STON2: variants seen among roughly 807,000 people sequenced by gnomAD.
The protein encoded by STON2 is stonin 2, also known as stonin-2.
In STON2, 29 loss-of-function variants were observed where a neutral mutation model predicts 65.7. The observed-to-expected ratio is 0.44, with a 90% CI of 0.33 to 0.60. The LOEUF is 0.60. Ranked by LOEUF, STON2 falls within the 20% of genes least tolerant of loss-of-function variation. STON2 has a pLI of 0.03. For missense variants in STON2, 1,054 were observed against 1,118.1 expected (o/e 0.94, Z 0.82); for synonymous variants, 404 against 414.2 (o/e 0.98, Z 0.30).
chr14:81,284,724 T>A (rs1895266238), intron 5 of STON2, among the ~76,000 whole-genome samples: 1 of 152,196 alleles, frequency 6.6e-6, no homozygotes, highest in South Asian at 2.1e-4. Flanking sequence ...AGATGCCATC[T>A]AGGATGTTAA....
intron 5 of STON2, among the ~76,000 whole-genome samples, chr14:81,317,384 C>T (rs990061746): frequency 6.6e-6 from 1 of 152,328 alleles, no homozygotes; most frequent in Non-Finnish European, 1.5e-5. Context: ...ACAAACCAAA[C>T]TAGCCACATA....
At chr14:81,376,645 T>C (rs1339431058) in intron 3 of STON2, among the ~76,000 whole-genome samples, 1 of 152,176 alleles carries the variant, frequency 6.6e-6, no homozygotes, top group Non-Finnish European at 1.5e-5. Flanking sequence ...TTTGTAAGGT[T>C]AGACACCAAA....
At chr14:81,359,979 C>T (rs1347789191) in intron 4 of STON2, among the ~76,000 whole-genome samples, 2 of 152,158 alleles carry the variant, frequency 1.3e-5, no homozygotes, top group African/African-American at 4.8e-5. Flanking sequence ...TGGTCCCAGC[C>T]ACATAAGGGG....
chr14:81,394,242 A>G (rs1232512521), intron 3 of STON2, among the ~76,000 whole-genome samples: 2 of 152,184 alleles, frequency 1.3e-5, no homozygotes, highest in Non-Finnish European at 2.9e-5. Context: ...ATAGACATAA[A>G]TGTGCAAATT....
intron 5 of STON2, among the ~76,000 whole-genome samples, chr14:81,286,638 T>C (rs998911823): frequency 6.6e-6 from 1 of 152,256 alleles, no homozygotes; most frequent in African/African-American, 2.4e-5. Flanking sequence ...CTTGCTTTAT[T>C]GCAGTGGTCT....
chr14:81,395,823 C>T, intron 3 of STON2, 71 bp downstream of exon 3: 1 of 1,502,396 alleles, frequency 6.7e-7, no homozygotes, highest in Non-Finnish European at 9.2e-7. Context: ...TCCTGGCAGC[C>T]CTATAGACCT....
At chr14:81,306,175 A>T (rs199791128) in intron 5 of STON2, among the ~76,000 whole-genome samples, 1 of 126,978 alleles carries the variant, frequency 7.9e-6, no homozygotes, top group Non-Finnish European at 1.6e-5. Context: ...CTCTATATAT[A>T]TATATATATA....
Position 81,398,455 on chromosome 14 carries a change from G to C in STON2, c.-73C>G. ...CCAGAATACTGTCTGGGGTGGGCTGGAGTAGGGGTATGGTAGTACGGTAGA... is the reference window on the plus strand; with the variant it reads ...CCAGAATACTGTCTGGGGTGGGCTGCAGTAGGGGTATGGTAGTACGGTAGA... On this transcript the variant is annotated 5_prime_UTR_variant, in exon 2 of 8. Coordinates refer to ENST00000614646, the MANE Select transcript of STON2 (RefSeq NM_001394390.1). 8.1e-7 allele frequency: 1 copy of C among 1,228,946 alleles called. No individual in the cohort carries two copies. The highest frequency in any genetic ancestry group is 2.3e-5 in the East Asian group (1 of 42,766). 76.1% of individuals were successfully genotyped at this position (1,228,946 alleles called of 1,614,324 possible).
At chr14:81,338,477 T>C (rs1433024550) in intron 4 of STON2, among the ~76,000 whole-genome samples, 3 of 152,200 alleles carry the variant, frequency 2.0e-5, no homozygotes, top group Non-Finnish European at 1.5e-5. Context: ...CTGGCTGTTA[T>C]CCTTTAAATG....
chr14:81,262,646 TTACTGTGGA>T lies in STON2; in HGVS notation c.*5759_*5767del, dbSNP rs1313588460. The T allele has an allele frequency of 1.2e-4, 114 of 985,370 alleles. 2 individuals are homozygous for T. Among genetic ancestry groups the T allele is most frequent in the Non-Finnish European group, 4.5e-5 (37 of 829,960 alleles). 61.0% of individuals were successfully genotyped at this position (985,370 alleles called of 1,614,324 possible). On this transcript the variant is annotated 3_prime_UTR_variant, in exon 8 of 8. Coordinates refer to ENST00000614646, the MANE Select transcript of STON2 (RefSeq NM_001394390.1). ...CTCTCTCCAGGCACTACCAAACTCA[TTACTGTGGA>T]TAGTTTCTGCCTTTACAGGCTTAGA...
intron 5 of STON2, among the ~76,000 whole-genome samples, chr14:81,305,463 A>G (rs983499143): frequency 1.3e-5 from 2 of 152,178 alleles, no homozygotes; most frequent in East Asian, 1.9e-4. Flanking sequence ...TGAACACTGA[A>G]GGTGTATACC....
chr14:81,379,770 G>A (rs115002338), intron 3 of STON2, among the ~76,000 whole-genome samples: 2,029 of 152,246 alleles, frequency 0.013, 53 homozygotes, highest in African/African-American at 0.046. Context: ...AATAAATGGT[G>A]TTGAGAAAAC....
chr14:81,400,099 T>C (rs929745308), intron 1 of STON2, among the ~76,000 whole-genome samples, 180 bp downstream of exon 1: 1 of 152,144 alleles, frequency 6.6e-6, no homozygotes, highest in Admixed American at 6.6e-5. Context: ...ACAATGGAAC[T>C]GTAATGAAAT....
At chr14:81,403,120 CTGAGT>C (rs1264604656), upstream of STON2, among the ~76,000 whole-genome samples, 1 of 152,190 alleles carries the variant, frequency 6.6e-6, no homozygotes, top group African/African-American at 2.4e-5. Flanking sequence ...TCCTGATGAA[CTGAGT>C]TATTTGAAAG....
chr14:81,415,678 A>AAAAG (rs1901397818), intron 2 of STON2, among the ~76,000 whole-genome samples: 1 of 151,652 alleles, frequency 6.6e-6, no homozygotes, highest in Admixed American at 6.6e-5. Flanking sequence ...CAAAAAAAAA[A>AAAAG]AAAAAAAAAA....
At chr14:81,340,016 T>A (rs574009418) in intron 4 of STON2, among the ~76,000 whole-genome samples, 21 of 152,182 alleles carry the variant, frequency 1.4e-4, no homozygotes, top group South Asian at 6.2e-4. Flanking sequence ...TAGCCGGGCG[T>A]GGTGGCGGGC....
intron 1 of STON2, among the ~76,000 whole-genome samples, chr14:81,399,371 T>A (rs994084342): frequency 6.6e-6 from 1 of 152,238 alleles, no homozygotes; most frequent in Admixed American, 6.5e-5. Context: ...AAAATTAATG[T>A]GCTTCCATAG....
At chr14:81,349,815 T>G (rs959354644) in intron 4 of STON2, among the ~76,000 whole-genome samples, 1 of 152,124 alleles carries the variant, frequency 6.6e-6, no homozygotes, top group Admixed American at 6.5e-5. Context: ...AGTCAAGATA[T>G]GAAATCAACC....
intron 3 of STON2, among the ~76,000 whole-genome samples, chr14:81,375,212 T>C (rs766264101): frequency 6.6e-6 from 1 of 151,750 alleles, no homozygotes; most frequent in Non-Finnish European, 1.5e-5. Context: ...ATAAAAGGAA[T>C]GTAAGAGGTT....
Sources: gnomAD v4.1 joint callset for allele counts (sites outside exome capture counted in the v4.1 genomes callset) on GRCh38, gnomAD v4.1.1 for gene constraint, MANE v1.5 for transcripts, NCBI Gene and HGNC (gene_info 2026-07-23, HGNC 2026-07-21) for gene names.